BZW1: variants seen among roughly 807,000 people sequenced by gnomAD.
The protein encoded by BZW1 is basic leucine zipper and W2 domains 1.
In BZW1, 3 loss-of-function variants were observed where a neutral mutation model predicts 54.1. The observed-to-expected ratio is 0.06, with a 90% CI of 0.03 to 0.14. The LOEUF (loss-of-function observed/expected upper bound fraction) is 0.14, where lower values mean the gene tolerates loss of function less well. Among genes scored for constraint, BZW1 ranks in the 10% least tolerant of loss-of-function variants. The pLI is 1.00. For missense variants in BZW1, 206 were observed against 491.7 expected, an observed-to-expected ratio of 0.42 and a Z score of 5.50; for synonymous variants, 152 against 162.7, an observed-to-expected ratio of 0.93 and a Z score of 0.50.
In BZW1 at chr2:200,826,271, A is replaced by T. The variant is rs17467616; in HGVS notation, c.*4093A>T. 19,528 of 152,004 alleles carry T rather than the reference A, an allele frequency of 0.13. 1,394 individuals carry two copies. Among genetic ancestry groups the T allele is most frequent in the East Asian group, 0.18 (921 of 5,180 alleles). 9.4% of individuals were successfully genotyped at this position (152,004 alleles called of 1,614,324 possible). On this transcript the variant is annotated 3_prime_UTR_variant, in exon 12 of 12. Coordinates refer to ENST00000409600, the MANE Select transcript of BZW1 (RefSeq NM_001207067.2). Reference sequence around the variant, plus strand: ...GCTTAACTAGAGGCAATTAACAGTCATTTCAAATCTAATTATTTTTATTTT... The same window carrying T: ...GCTTAACTAGAGGCAATTAACAGTCTTTTCAAATCTAATTATTTTTATTTT...
At chr2:200,815,277 A>T in intron 2 of BZW1, 64 bp from the exon 3 acceptor site, 1 of 1,454,350 alleles carries the variant, frequency 6.9e-7, no homozygotes, top group Non-Finnish European at 9.3e-7. Context: ...TCATAAGGTG[A>T]TAGTTTTGTG....
chr2:200,822,318 T>G lies in BZW1; in HGVS notation c.*140T>G. 1 of 656,946 alleles carries G rather than the reference T, an allele frequency of 1.5e-6. No individual in the cohort carries two copies. The highest frequency in any genetic ancestry group is 2.5e-6 in the Non-Finnish European group (1 of 399,296). The allele number at this position is 656,946 out of a possible 1,614,324, so 40.7% of individuals were successfully genotyped here. ...CTTTCATGGCAAATTTTATTTTAAC[T>G]GTTTCTATGGTTGCTGGAAATGTTG... is the stretch of plus-strand genomic sequence containing the variant. On this transcript the variant is annotated 3_prime_UTR_variant, in exon 12 of 12. Coordinates refer to ENST00000409600, the MANE Select transcript of BZW1 (RefSeq NM_001207067.2).
intron 1 of BZW1, chr2:200,812,517 AC>A (rs1400262938): frequency 1.4e-6 from 2 of 1,383,744 alleles, no homozygotes; most frequent in African/African-American, 2.9e-5. Flanking sequence ...GAGCCGCGGG[AC>A]CCTACGGCGC....
chr2:200,815,302 C>A (rs772060333), intron 2 of BZW1, 39 bp from the exon 3 acceptor site: 2 of 1,550,076 alleles, frequency 1.3e-6, no homozygotes, highest in Non-Finnish European at 8.7e-7. Context: ...TTTGGTAAAT[C>A]TTTTAAAACT....
chr2:200,821,135 G>T (rs371036571), intron 10 of BZW1, 48 bp from the exon 11 acceptor site: 1 of 1,601,240 alleles, frequency 6.2e-7, no homozygotes, highest in Admixed American at 1.7e-5. Context: ...TTCTAACGCT[G>T]AGTAGAGTAT....
At position 200,822,729 on chromosome 2, in the gene BZW1, TTTTTGTTTTGTTTTG is replaced by T. The variant is rs540532271; in HGVS notation, c.*567_*581del. 1.4e-5 allele frequency: 1 copy of T among 69,060 alleles called. No individual in the cohort carries two copies. The highest frequency in any genetic ancestry group is 6.1e-5 in the African/African-American group (1 of 16,458). 4.3% of individuals were successfully genotyped at this position (69,060 alleles called of 1,614,324 possible). On this transcript the variant is annotated 3_prime_UTR_variant, in exon 12 of 12. Transcript: ENST00000409600. Reference sequence around the variant, plus strand: ...CGTGGACCATTGCTTGCATGTTAACTTTTTGTTTTGTTTTGTTTTGTTTTGTTTTGCATTTTTAAC... The same window carrying T: ...CGTGGACCATTGCTTGCATGTTAACTTTTTGTTTTGTTTTGCATTTTTAAC...
At chr2:200,817,375 A>T (rs2038333591) in intron 6 of BZW1, 134 bp downstream of exon 6, 1 of 1,156,062 alleles carries the variant, frequency 8.7e-7, no homozygotes, top group Non-Finnish European at 1.2e-6. Flanking sequence ...AGTTCAGTCT[A>T]ATTCACTAGA....
At chr2:200,812,752 C>G (rs547676800) in intron 1 of BZW1, 13 of 722,976 alleles carry the variant, frequency 1.8e-5, no homozygotes, top group Admixed American at 1.4e-4. Context: ...TGGTGCTGCC[C>G]GTAACCAGGC....
rs1403881619 is a variant in BZW1, at chr2:200,824,178, GA to G, written c.*2001del. On this transcript the variant is annotated 3_prime_UTR_variant, in exon 12 of 12. Coordinates refer to ENST00000409600, the MANE Select transcript of BZW1 (RefSeq NM_001207067.2). ...ACTTAGTAGAACATTATAGTAAGTG[GA>G]TATCACTTGTGACAGTAATAGTGTA... 6.6e-6 allele frequency: 1 copy of G among 152,070 alleles called. No homozygotes were observed. Among genetic ancestry groups the G allele is most frequent in the African/African-American group, 2.4e-5 (1 of 41,398 alleles). The allele number at this position is 152,070 out of a possible 1,614,324, so 9.4% of individuals were successfully genotyped here.
chr2:200,821,428 T>C (rs147703921), intron 11 of BZW1, 123 bp downstream of exon 11: 13 of 1,222,764 alleles, frequency 1.1e-5, no homozygotes, highest in East Asian at 2.4e-5. Context: ...ATTTTTGTTA[T>C]AAGGCAGGTG....
At position 200,822,343 on chromosome 2, in the gene BZW1, G is replaced by A. The variant is rs1575061842; in HGVS notation, c.*165G>A. The A allele has an allele frequency of 8.8e-6, 5 of 565,882 alleles. No homozygotes were observed. The South Asian group carries it at 1.1e-4, about 12-fold the overall frequency. The allele number at this position is 565,882 out of a possible 1,614,324, so 35.1% of individuals were successfully genotyped here. A position where few individuals can be genotyped will look rare whatever the true frequency, so the allele number is the denominator to read the frequency against. ...TGTTTCTATGGTTGCTGGAAATGTT[G>A]GGTTTAGTTTCTAAAACCATGTTTT... On this transcript the variant is annotated 3_prime_UTR_variant, in exon 12 of 12. Coordinates refer to ENST00000409600, the MANE Select transcript of BZW1 (RefSeq NM_001207067.2).
rs953749386 is a variant in BZW1, at chr2:200,812,491, A to C, written c.-11+501A>C. The C allele has an allele frequency of 1.2e-5, 16 of 1,350,962 alleles. No individual in the cohort carries two copies. The Admixed American group carries it at 3.6e-4, about 30-fold the overall frequency. 83.7% of individuals were successfully genotyped at this position (1,350,962 alleles called of 1,614,324 possible). On this transcript the variant is annotated intron_variant, in intron 1 of 11. Coordinates refer to ENST00000409600, the MANE Select transcript of BZW1 (RefSeq NM_001207067.2). ...TGCGGCGGCCGCCACCGCAGGCGAC[A>C]GGGTCAGTGGAGAAAGAGCCGCGGG...
intron 2 of BZW1, 73 bp from the exon 3 acceptor site, chr2:200,815,268 C>T (rs2038242369): frequency 1.4e-6 from 2 of 1,412,866 alleles, no homozygotes; most frequent in Admixed American, 2.3e-5. Flanking sequence ...ATTGCATCTT[C>T]ATAAGGTGAT....
chr2:200,815,976 A>G (rs948698073), intron 4 of BZW1, among the ~76,000 whole-genome samples: 5 of 152,302 alleles, frequency 3.3e-5, no homozygotes, highest in African/African-American at 9.6e-5. Context: ...TTCTGTTCCT[A>G]TTTGTCCTGA....
intron 10 of BZW1, among the ~76,000 whole-genome samples, chr2:200,820,415 C>T (rs2038466178): frequency 6.6e-6 from 1 of 152,188 alleles, no homozygotes; most frequent in South Asian, 2.1e-4. Flanking sequence ...TGTGGTGGCT[C>T]ATACTTGTGA....
rs1559318394 is a variant in BZW1 at position 200,826,407 on chromosome 2, A to AGATAGATAGATAT, written c.*4229_*4230insGATAGATAGATAT. On this transcript the variant is annotated 3_prime_UTR_variant, in exon 12 of 12. Coordinates refer to ENST00000409600, the MANE Select transcript of BZW1 (RefSeq NM_001207067.2). ...TAGATAGATAGATAGATAGATAGATATTTTTTTTTTTTTTTTTTTTTTTTT... is the reference window on the plus strand; with the variant it reads ...TAGATAGATAGATAGATAGATAGATAGATAGATAGATATTTTTTTTTTTTTTTTTTTTTTTTTT... The AGATAGATAGATAT allele has an allele frequency of 3.5e-4, 19 of 54,946 alleles. No homozygotes were observed. The highest frequency in any genetic ancestry group is 5.6e-4 in the Non-Finnish European group (17 of 30,418). The allele number at this position is 54,946 out of a possible 1,614,324, so 3.4% of individuals were successfully genotyped here.
Position 200,819,996 on chromosome 2 carries a change from A to T in BZW1, c.981A>T (p.Leu327=), listed in dbSNP as rs762201368. 1.3e-5 allele frequency: 20 copies of T among 1,521,004 alleles called. No homozygotes were observed. Among genetic ancestry groups the T allele is most frequent in the Non-Finnish European group, 1.6e-5 (18 of 1,134,184 alleles). The allele number at this position is 1,521,004 out of a possible 1,614,324, so 94.2% of individuals were successfully genotyped here. Residue 327 remains leucine (L), a synonymous_variant, in exon 10 of 12, where the codon CTA becomes CTT. Transcript: ENST00000409600. Reference sequence around the variant, plus strand: ...TCCTTTAAAAGCAATACAGCCCTCTACTTGCTGCCTTTACTACTCAAGGTC... The same window carrying T: ...TCCTTTAAAAGCAATACAGCCCTCTTCTTGCTGCCTTTACTACTCAAGGTC... The part of the protein sequence containing the change: ...AIKHLKQYSP[L]LAAFTTQGQS...
chr2:200,819,406 G>A (rs1412829410), intron 9 of BZW1, among the ~76,000 whole-genome samples: 1 of 152,060 alleles, frequency 6.6e-6, no homozygotes, highest in Non-Finnish European at 1.5e-5. Flanking sequence ...AGAACATGAT[G>A]AAAAGGAACT....
rs2038560064 is a variant in BZW1, at chr2:200,822,412, G to T, written c.*234G>T. 1 of 375,660 alleles carries T rather than the reference G, an allele frequency of 2.7e-6. No individual in the cohort carries two copies. The highest frequency in any genetic ancestry group is 3.5e-5 in the African/African-American group (1 of 28,796). The allele number at this position is 375,660 out of a possible 1,614,324, so 23.3% of individuals were successfully genotyped here. A position where few individuals can be genotyped will look rare whatever the true frequency, so the allele number is the denominator to read the frequency against. Reference sequence around the variant, plus strand: ...TAGATTTGAATCTAATGTTGCATTAGTCTTTTCAGTTATCTTCTACCTCCT... The same window carrying T: ...TAGATTTGAATCTAATGTTGCATTATTCTTTTCAGTTATCTTCTACCTCCT... On this transcript the variant is annotated 3_prime_UTR_variant, in exon 12 of 12. Coordinates refer to ENST00000409600, the MANE Select transcript of BZW1 (RefSeq NM_001207067.2).
Sources: allele counts gnomAD v4.1 joint callset (sites outside exome capture counted in the v4.1 genomes callset), GRCh38; gene constraint gnomAD v4.1.1; transcripts MANE v1.5; gene names NCBI Gene and HGNC (gene_info 2026-07-23, HGNC 2026-07-21).